RBFOX1: variants seen among roughly 807,000 people sequenced by gnomAD.
RBFOX1 encodes the protein RNA binding fox-1 homolog 1.
In RBFOX1, 8 loss-of-function variants were observed where a neutral mutation model predicts 57.7. That is an observed-to-expected ratio of 0.14 (90% CI 0.08 to 0.25). The LOEUF is 0.25. RBFOX1 is among the 10% of genes least tolerant of loss of function. RBFOX1 has a pLI of 1.00. For missense variants in RBFOX1, 611 were observed against 548.5 expected, an observed-to-expected ratio of 1.11 and a Z score of -1.14; for synonymous variants, 326 against 222.4, an observed-to-expected ratio of 1.47 and a Z score of -4.15.
chr16:6,925,955 C>T (rs576344528), intron 3 of RBFOX1, among the ~76,000 whole-genome samples: 6 of 152,088 alleles, frequency 3.9e-5, no homozygotes, highest in South Asian at 2.1e-4. Context: ...CTAAACTCAT[C>T]GTTAAGTCTG....
chr16:6,493,503 T>G (rs1183654990), intron 2 of RBFOX1, among the ~76,000 whole-genome samples: 1 of 152,196 alleles, frequency 6.6e-6, no homozygotes, highest in African/African-American at 2.4e-5. Flanking sequence ...TTTTTTTTAT[T>G]CATCTGTGGG....
intron 3 of RBFOX1, among the ~76,000 whole-genome samples, chr16:6,889,271 G>A (rs1040644391): frequency 1.3e-5 from 2 of 152,116 alleles, no homozygotes; most frequent in East Asian, 1.9e-4. Context: ...TAGCCCCATG[G>A]CTTGCTTTGA....
chr16:6,035,910 A>G (rs1273638566), intron 1 of RBFOX1, among the ~76,000 whole-genome samples: 1 of 152,242 alleles, frequency 6.6e-6, no homozygotes, highest in African/African-American at 2.4e-5. Context: ...ATGGGAAGAA[A>G]TGTCTATTCT....
intron 3 of RBFOX1, among the ~76,000 whole-genome samples, chr16:5,863,356 A>C (rs939360789): frequency 1.3e-5 from 2 of 152,248 alleles, no homozygotes; most frequent in East Asian, 3.9e-4. Flanking sequence ...GCCCGCCTCA[A>C]ACACGGCTCT....
chr16:7,692,597 G>A (rs748592958), intron 14 of RBFOX1, among the ~76,000 whole-genome samples: 1 of 152,212 alleles, frequency 6.6e-6, no homozygotes, highest in Non-Finnish European at 1.5e-5. Context: ...TGACTCAGAC[G>A]ATCTTATTTG....
chr16:6,416,740 G>C (rs2093634535), intron 2 of RBFOX1, among the ~76,000 whole-genome samples: 1 of 152,082 alleles, frequency 6.6e-6, no homozygotes, highest in African/African-American at 2.4e-5. Flanking sequence ...GTACCTCCTT[G>C]TCCAGCAATA....
intron 4 of RBFOX1, among the ~76,000 whole-genome samples, chr16:7,387,168 G>A (rs549435850): frequency 3.3e-5 from 5 of 152,104 alleles, no homozygotes; most frequent in Admixed American, 1.3e-4. Context: ...GTCCCATTCT[G>A]TAGGTTGCTG....
intron 3 of RBFOX1, among the ~76,000 whole-genome samples, chr16:6,873,325 G>A (rs1217511433): frequency 6.6e-6 from 1 of 152,138 alleles, no homozygotes; most frequent in Non-Finnish European, 1.5e-5. Flanking sequence ...TGTTGGAGGG[G>A]GAAAAAGAGT....
chr16:5,745,602 C>T (rs192401412), intron 3 of RBFOX1, among the ~76,000 whole-genome samples: 3 of 152,312 alleles, frequency 2.0e-5, no homozygotes, highest in Admixed American at 2.0e-4. Flanking sequence ...TGTCCAGCAC[C>T]TGTTGTTTCC....
At chr16:5,300,311 C>G (rs1379975232) in intron 1 of RBFOX1, among the ~76,000 whole-genome samples, 2 of 152,110 alleles carry the variant, frequency 1.3e-5, no homozygotes, top group Non-Finnish European at 2.9e-5. Flanking sequence ...ATATCCTCAT[C>G]TCAGGACACA....
At chr16:7,330,974 G>C (rs1280757929) in intron 4 of RBFOX1, among the ~76,000 whole-genome samples, 1 of 152,164 alleles carries the variant, frequency 6.6e-6, no homozygotes, top group East Asian at 1.9e-4. Context: ...TTGAGTAAGA[G>C]GGGTCAGTGC....
chr16:6,876,990 G>T (rs2061964025), intron 3 of RBFOX1, among the ~76,000 whole-genome samples: 1 of 152,138 alleles, frequency 6.6e-6, no homozygotes, highest in African/African-American at 2.4e-5. Context: ...TAGTTTTCCA[G>T]TGGAGCAACA....
At chr16:6,908,945 GC>G (rs1318347625) in intron 3 of RBFOX1, among the ~76,000 whole-genome samples, 2 of 152,112 alleles carry the variant, frequency 1.3e-5, no homozygotes, top group Non-Finnish European at 2.9e-5. Flanking sequence ...CATAATCTGT[GC>G]TTCCCCCCAA....
At chr16:5,631,926 A>G (rs1423936451) in intron 3 of RBFOX1, among the ~76,000 whole-genome samples, 3 of 152,168 alleles carry the variant, frequency 2.0e-5, no homozygotes, top group Non-Finnish European at 2.9e-5. Flanking sequence ...TAGAGTGGAG[A>G]CAGTAGAAAT....
intron 1 of RBFOX1, among the ~76,000 whole-genome samples, chr16:6,295,522 G>A (rs1017243784): frequency 6.6e-6 from 1 of 152,224 alleles, no homozygotes; most frequent in Non-Finnish European, 1.5e-5. Context: ...TACATAGCCT[G>A]TAGTTGGGTT....
intron 1 of RBFOX1, among the ~76,000 whole-genome samples, chr16:5,250,799 G>A (rs2062431969): frequency 2.0e-5 from 3 of 152,080 alleles, no homozygotes; most frequent in Non-Finnish European, 2.9e-5. Flanking sequence ...GATGGTTTCC[G>A]CCTTTTCCCA....
At chr16:5,445,846 C>G (rs150549889) in intron 1 of RBFOX1, among the ~76,000 whole-genome samples, 31 of 152,346 alleles carry the variant, frequency 2.0e-4, no homozygotes, top group African/African-American at 7.5e-4. Context: ...CGAAGAAGTT[C>G]TGTCGTCTGC....
At chr16:7,326,543 G>C (rs1023108342) in intron 4 of RBFOX1, among the ~76,000 whole-genome samples, 5 of 152,134 alleles carry the variant, frequency 3.3e-5, no homozygotes, top group Non-Finnish European at 5.9e-5. Flanking sequence ...AAAACATTCT[G>C]AAGAATGAAT....
At chr16:7,055,653 C>A (rs888556184) in intron 4 of RBFOX1, among the ~76,000 whole-genome samples, 1 of 152,196 alleles carries the variant, frequency 6.6e-6, no homozygotes. Flanking sequence ...ACATCAATCA[C>A]TGGCAAGGTG....
Sources: gnomAD v4.1 joint callset for allele counts (sites outside exome capture counted in the v4.1 genomes callset) on GRCh38, gnomAD v4.1.1 for gene constraint, MANE v1.5 for transcripts, NCBI Gene and HGNC (gene_info 2026-07-23, HGNC 2026-07-21) for gene names.